The following DARS1 variants were observed in gnomAD, a reference collection of about 807,000 sequenced individuals.
The protein encoded by DARS1 is aspartyl-tRNA synthetase 1.
Under a neutral mutation model 68.8 loss-of-function variants are expected in DARS1, and 51 were observed. The observed-to-expected ratio is 0.74, with a 90% confidence interval of 0.59 to 0.94. DARS1 has a LOEUF of 0.94. DARS1 is among the 40% of genes least tolerant of loss of function. DARS1 has a pLI of 0.00. For missense variants in DARS1, 607 were observed against 597.3 expected, an observed-to-expected ratio of 1.02 and a Z score of -0.17; for synonymous variants, 203 against 190.4, an observed-to-expected ratio of 1.07 and a Z score of -0.55.
chr2:135,966,585 C>A (rs1682241341), intron 3 of DARS1, among the ~76,000 whole-genome samples: 1 of 152,188 alleles, frequency 6.6e-6, no homozygotes, highest in African/African-American at 2.4e-5. Flanking sequence ...GTTGTCCAGG[C>A]TGGAGAGTAA....
chr2:135,929,993 TG>T (rs1401005302), intron 7 of DARS1, among the ~76,000 whole-genome samples: 2 of 152,248 alleles, frequency 1.3e-5, no homozygotes, highest in African/African-American at 4.8e-5. Flanking sequence ...TTGGACAGAC[TG>T]GTAACTTAAG....
intron 4 of DARS1, among the ~76,000 whole-genome samples, chr2:135,952,011 C>T (rs534106171): frequency 2.6e-5 from 4 of 152,208 alleles, no homozygotes; most frequent in East Asian, 1.9e-4. Context: ...GAGGCTGAGG[C>T]GGGTGGATCA....
At position 135,946,813 on chromosome 2, in the gene DARS1, C is replaced by T. The variant is rs566196560; in HGVS notation, c.321-3333G>A. 1.2e-4 allele frequency among the ~76,000 whole-genome samples: 18 copies of T among 152,260 alleles called. No individual in the cohort carries two copies. In the South Asian group the frequency reaches 1.7e-3, roughly 14 times the overall value. Reference sequence around the variant, plus strand: ...TCCCAGTATCAGGTTTTGACTCTGACGAGTCCTCCTGAGCATATAGAGAAG... The same window carrying T: ...TCCCAGTATCAGGTTTTGACTCTGATGAGTCCTCCTGAGCATATAGAGAAG... On this transcript the variant is annotated intron_variant, in intron 4 of 15. Transcript: ENST00000264161.
chr2:135,981,732 G>A (rs1213295967), intron 2 of DARS1, among the ~76,000 whole-genome samples: 1 of 149,848 alleles, frequency 6.7e-6, no homozygotes, highest in Non-Finnish European at 1.5e-5. Context: ...CCAGTGGTGT[G>A]ATCGTGGCTC....
At position 135,924,388 on chromosome 2, in the gene DARS1, T is replaced by A; in HGVS notation, c.675A>T (p.Ser225=). The A allele has an allele frequency of 1.3e-6, 2 of 1,592,486 alleles. No individual in the cohort carries two copies. Among genetic ancestry groups the A allele is most frequent in the Non-Finnish European group, 1.7e-6 (2 of 1,174,134 alleles). The part of the protein sequence containing the change: ...FVEIQTPKII[S]AASEGGANVF... ...TAAGAGAAATATTTTGAAGCATACC[T>A]GAAATAATTTTAGGAGTTTGGATTT... Residue 225 remains serine (S), a splice_region_variant and synonymous_variant, in exon 8 of 16, where the codon TCA becomes TCT. Coordinates refer to ENST00000264161, the MANE Select transcript of DARS1 (RefSeq NM_001349.4).
chr2:135,979,393 A>G (rs1307605413), intron 2 of DARS1, 27 bp from the exon 3 acceptor site: 3 of 891,792 alleles, frequency 3.4e-6, no homozygotes, highest in African/African-American at 3.3e-5. Flanking sequence ...CGATTTTTAT[A>G]TAGTAAAATA....
In DARS1 at chr2:135,907,242, CTTTTTTT is replaced by C. The variant is rs992435404; in HGVS notation, c.*67_*73del. On this transcript the variant is annotated 3_prime_UTR_variant, in exon 16 of 16. Coordinates refer to ENST00000264161, the MANE Select transcript of DARS1 (RefSeq NM_001349.4). ...TACTGAAAAGAATAAGTGTGGCTTT[CTTTTTTT>C]TTTTTTTTTTTTGAGGCAGGGTCTC... The C allele has an allele frequency of 2.0e-4, 92 of 453,480 alleles. No homozygotes were observed. The highest frequency in any genetic ancestry group is 7.4e-4 in the Middle Eastern group (1 of 1,354). 28.1% of individuals were successfully genotyped at this position (453,480 alleles called of 1,614,324 possible).
chr2:135,970,065 T>C (rs938932575), intron 3 of DARS1, among the ~76,000 whole-genome samples: 1 of 152,028 alleles, frequency 6.6e-6, no homozygotes, highest in African/African-American at 2.4e-5. Context: ...TTGAGAACCA[T>C]ACTTGGGGCC....
chr2:135,949,450 A>AT (rs1417407553), intron 4 of DARS1, among the ~76,000 whole-genome samples: 1 of 152,196 alleles, frequency 6.6e-6, no homozygotes, highest in East Asian at 1.9e-4. Flanking sequence ...GAATAAAGGG[A>AT]TAATATCTCA....
In DARS1 at chr2:135,968,144, CA is replaced by C. The variant is rs148952253; in HGVS notation, c.218-6647del. On this transcript the variant is annotated intron_variant, in intron 3 of 15. Transcript: ENST00000264161. ...ATATGGTGGTGCATGCCTGTAGTCC[CA>C]GCCAGCTACTTGGGAGGCTAAGGCA... Among the ~76,000 whole-genome samples the C allele has an allele frequency of 8.6e-3, 1,305 of 152,130 alleles. 16 individuals carry two copies. Among genetic ancestry groups the C allele is most frequent in the African/African-American group, 0.028 (1,151 of 41,520 alleles).
chr2:135,964,840 C>CAAAAAAAAA (rs372676148), intron 3 of DARS1, among the ~76,000 whole-genome samples: 4 of 49,636 alleles, frequency 8.1e-5, no homozygotes, highest in African/African-American at 2.3e-4. Flanking sequence ...GACTCCACCT[C>CAAAAAAAAA]AAAAAAAAAA....
At chr2:135,948,118 A>G (rs1681767672) in intron 4 of DARS1, among the ~76,000 whole-genome samples, 3 of 152,218 alleles carry the variant, frequency 2.0e-5, no homozygotes, top group African/African-American at 7.2e-5. Context: ...GCATTATCCA[A>G]ATTTTCAATA....
Position 135,959,503 on chromosome 2 carries a change from T to C in DARS1, c.320+1893A>G, listed in dbSNP as rs572828068. Among the ~76,000 whole-genome samples the C allele has an allele frequency of 7.1e-4, 108 of 151,840 alleles. 3 individuals are homozygous for C. Among genetic ancestry groups the C allele is most frequent in the African/African-American group, 2.2e-3 (91 of 41,370 alleles). On this transcript the variant is annotated intron_variant, in intron 4 of 15. Coordinates refer to ENST00000264161, the MANE Select transcript of DARS1 (RefSeq NM_001349.4). ...TAATGATAAAAAGATGTTCTTTAAT[T>C]TTATGAGGGCATTAGTGAACTAAGT...
At position 135,909,329 on chromosome 2, in the gene DARS1, G is replaced by A. The variant is rs183980723; in HGVS notation, c.1414+1810C>T. Among the ~76,000 whole-genome samples the A allele has an allele frequency of 3.4e-3, 510 of 152,162 alleles. 3 individuals are homozygous for A. Among genetic ancestry groups the A allele is most frequent in the South Asian group, 0.027 (132 of 4,818 alleles). On this transcript the variant is annotated intron_variant, in intron 15 of 15. Coordinates refer to ENST00000264161, the MANE Select transcript of DARS1 (RefSeq NM_001349.4). ...ACCATATGTAACGACCTTAACTGGT[G>A]CTATTTATTTTTAAAATTTTGCCCA...
At chr2:135,970,674 T>C (rs1379172621) in intron 3 of DARS1, among the ~76,000 whole-genome samples, 1 of 151,996 alleles carries the variant, frequency 6.6e-6, no homozygotes, top group African/African-American at 2.4e-5. Context: ...AAAAAGTTGG[T>C]TTTTTGAAAA....
chr2:135,978,158 A>AG (rs1191515001), intron 3 of DARS1, among the ~76,000 whole-genome samples: 20 of 150,228 alleles, frequency 1.3e-4, no homozygotes, highest in Non-Finnish European at 2.5e-4. Flanking sequence ...AAAAAAAAAA[A>AG]AAAAAAAGAA....
intron 3 of DARS1, among the ~76,000 whole-genome samples, chr2:135,970,949 G>A (rs982138976): frequency 4.6e-5 from 7 of 152,044 alleles, no homozygotes; most frequent in African/African-American, 1.2e-4. Context: ...GATTAAAGCC[G>A]TAATAAAAAG....
At chr2:135,922,729 T>G in intron 9 of DARS1, 55 bp downstream of exon 9, 1 of 1,457,182 alleles carries the variant, frequency 6.9e-7, no homozygotes, top group East Asian at 2.6e-5. Flanking sequence ...TTTCTAAAAT[T>G]ATAACTGCTG....
At chr2:135,963,691 T>G (rs1682150230) in intron 3 of DARS1, among the ~76,000 whole-genome samples, 1 of 148,162 alleles carries the variant, frequency 6.7e-6, no homozygotes, top group South Asian at 2.1e-4. Flanking sequence ...CTTCTTTTTT[T>G]TTTTTTGAGA....
Sources: allele counts gnomAD v4.1 joint callset (sites outside exome capture counted in the v4.1 genomes callset), GRCh38; gene constraint gnomAD v4.1.1; transcripts MANE v1.5; gene names NCBI Gene and HGNC (gene_info 2026-07-23, HGNC 2026-07-21).